The following PCDH15 variants were observed in gnomAD, a reference collection of about 807,000 sequenced individuals.
The protein encoded by PCDH15 is protocadherin related 15.
PCDH15 carries 129 observed loss-of-function variants against 178.5 expected under a neutral mutation model. The ratio of observed to expected loss-of-function variants is 0.72; its 90% CI spans 0.63 to 0.84. The LOEUF is 0.84. Among genes scored for constraint, PCDH15 ranks in the 40% least tolerant of loss-of-function variants. PCDH15 has a pLI of 0.00. For synonymous variants in PCDH15, 800 were observed against 732.0 expected (o/e 1.09, Z -1.50); for missense variants, 2,230 against 2,099.9 (o/e 1.06, Z -1.21).
intron 2 of PCDH15, among the ~76,000 whole-genome samples, chr10:55,360,858 T>C (rs1300469357): frequency 6.6e-6 from 1 of 152,112 alleles, no homozygotes; most frequent in Middle Eastern, 3.4e-3. Flanking sequence ...CAAAAATGCA[T>C]AGTTAAGCTC....
Position 54,205,258 on chromosome 10 carries a change from G to A in PCDH15, c.1098+8678C>T, listed in dbSNP as rs142943442. Reference sequence around the variant, plus strand: ...CTGTTACACTAAAAAAGCCTAGGGTGAGCAGCTGAGGCCAACTCTGTTCTA... The same window carrying A: ...CTGTTACACTAAAAAAGCCTAGGGTAAGCAGCTGAGGCCAACTCTGTTCTA... On this transcript the variant is annotated intron_variant, in intron 10 of 37. Transcript: ENST00000644397. Among the ~76,000 whole-genome samples, 445 of 152,214 alleles carry A rather than the reference G, an allele frequency of 2.9e-3. 4 individuals carry two copies. The highest frequency in any genetic ancestry group is 1.0e-2 in the African/African-American group (415 of 41,538).
intron 2 of PCDH15, among the ~76,000 whole-genome samples, chr10:55,455,286 A>G (rs1240360372): frequency 6.6e-6 from 1 of 152,176 alleles, no homozygotes; most frequent in Non-Finnish European, 1.5e-5. Context: ...CATGAATTGT[A>G]TATTATTATT....
intron 1 of PCDH15, among the ~76,000 whole-genome samples, chr10:55,234,871 A>G (rs889538112): frequency 4.6e-5 from 7 of 151,526 alleles, no homozygotes; most frequent in Middle Eastern, 3.4e-3. Context: ...AGTTTTATAT[A>G]TTATTTTTAT....
chr10:55,128,318 A>G (rs781142514), intron 2 of PCDH15, among the ~76,000 whole-genome samples: 1 of 151,648 alleles, frequency 6.6e-6, no homozygotes, highest in Non-Finnish European at 1.5e-5. Flanking sequence ...TACAGACTCA[A>G]TGCTTATGGG....
chr10:54,961,362 C>T (rs1838649840), intron 2 of PCDH15, among the ~76,000 whole-genome samples: 1 of 152,182 alleles, frequency 6.6e-6, no homozygotes, highest in African/African-American at 2.4e-5. Context: ...GGAACCCCTC[C>T]ACATGAACAT....
At chr10:54,999,545 GT>G (rs1314158731) in intron 2 of PCDH15, among the ~76,000 whole-genome samples, 19 of 152,148 alleles carry the variant, frequency 1.2e-4, no homozygotes, top group African/African-American at 4.3e-4. Context: ...GGCTGCGATG[GT>G]GTGTGTGGAG....
chr10:54,492,019 A>T (rs1488143993), intron 3 of PCDH15, among the ~76,000 whole-genome samples: 2 of 152,188 alleles, frequency 1.3e-5, no homozygotes, highest in Non-Finnish European at 2.9e-5. Context: ...GTCATTTGTT[A>T]TTCATATTTA....
At chr10:54,386,502 C>G (rs1428377810) in intron 3 of PCDH15, among the ~76,000 whole-genome samples, 5 of 151,846 alleles carry the variant, frequency 3.3e-5, no homozygotes, top group Non-Finnish European at 7.4e-5. Flanking sequence ...TAATATTATT[C>G]AAATATTAAT....
At chr10:54,534,341 T>C (rs931875797) in intron 2 of PCDH15, among the ~76,000 whole-genome samples, 13 of 152,240 alleles carry the variant, frequency 8.5e-5, no homozygotes, top group Admixed American at 6.5e-4. Flanking sequence ...TGGTGGTCTG[T>C]AGGGACAAAA....
At chr10:53,899,385 A>T (rs966848771) in intron 26 of PCDH15, among the ~76,000 whole-genome samples, 4 of 152,088 alleles carry the variant, frequency 2.6e-5, no homozygotes, top group Admixed American at 1.3e-4. Flanking sequence ...TTATTGTGTC[A>T]CTTTACCTGT....
At chr10:54,723,977 T>C (rs1942073323) in intron 1 of PCDH15, among the ~76,000 whole-genome samples, 1 of 151,772 alleles carries the variant, frequency 6.6e-6, no homozygotes, top group Admixed American at 6.6e-5. Flanking sequence ...AAAAACAGTA[T>C]GTAGATTTCT....
intron 2 of PCDH15, among the ~76,000 whole-genome samples, chr10:55,419,308 T>C (rs931872352): frequency 2.0e-5 from 3 of 151,728 alleles, no homozygotes; most frequent in Non-Finnish European, 4.4e-5. Context: ...TAGTTGTAGA[T>C]TGCACGGATT....
At chr10:54,580,170 A>C (rs1036788902) in intron 2 of PCDH15, among the ~76,000 whole-genome samples, 1 of 152,094 alleles carries the variant, frequency 6.6e-6, no homozygotes, top group Admixed American at 6.6e-5. Context: ...ACAAAAGATC[A>C]ACAAGACCAA....
chr10:55,042,947 T>TTG (rs958673130), intron 2 of PCDH15, among the ~76,000 whole-genome samples: 14 of 151,794 alleles, frequency 9.2e-5, no homozygotes, highest in African/African-American at 2.9e-4. Context: ...ATAATTTTAC[T>TTG]TGTGTGTGTG....
chr10:54,394,359 A>C (rs571083526), intron 3 of PCDH15, among the ~76,000 whole-genome samples: 103 of 152,256 alleles, frequency 6.8e-4, no homozygotes, highest in Admixed American at 6.7e-3. Context: ...TTGAGAAGTA[A>C]AGGGACAGAG....
chr10:55,547,002 C>A (rs1841897766), intron 2 of PCDH15, among the ~76,000 whole-genome samples: 1 of 151,628 alleles, frequency 6.6e-6, no homozygotes, highest in East Asian at 1.9e-4. Flanking sequence ...TAGTGTAGTT[C>A]TGAAAAGAAA....
intron 26 of PCDH15, among the ~76,000 whole-genome samples, chr10:53,873,753 G>T (rs1185223887): frequency 1.3e-5 from 2 of 152,188 alleles, no homozygotes; most frequent in Non-Finnish European, 2.9e-5. Flanking sequence ...AAATTTATAT[G>T]TTGAAACATA....
At chr10:54,227,268 G>A (rs1419002251) in intron 9 of PCDH15, among the ~76,000 whole-genome samples, 1 of 152,226 alleles carries the variant, frequency 6.6e-6, no homozygotes, top group Non-Finnish European at 1.5e-5. Context: ...CACATCTTCT[G>A]AAATCTAGGT....
intron 1 of PCDH15, among the ~76,000 whole-genome samples, chr10:54,718,144 G>A (rs557040850): frequency 2.7e-5 from 4 of 149,600 alleles, no homozygotes; most frequent in East Asian, 3.9e-4. Context: ...ATAGCATTGG[G>A]AGATATACCT....
Sources: allele counts gnomAD v4.1 joint callset (sites outside exome capture counted in the v4.1 genomes callset), GRCh38; gene constraint gnomAD v4.1.1; transcripts MANE v1.5; gene names NCBI Gene and HGNC (gene_info 2026-07-23, HGNC 2026-07-21).